GPR149: variants seen among roughly 807,000 people sequenced by gnomAD.
GPR149 encodes the protein G protein-coupled receptor 149.
A neutral mutation model predicts 50.2 loss-of-function variants in GPR149; 50 were observed. The ratio of observed to expected loss-of-function variants is 1.00; its 90% CI spans 0.79 to 1.26. The LOEUF is 1.26. Among genes scored for constraint, GPR149 ranks in the 50% most tolerant of loss-of-function variants. GPR149 has a pLI of 0.00. For missense variants in GPR149, 983 were observed against 895.4 expected (o/e 1.10, Z -1.25); for synonymous variants, 405 against 358.2 (o/e 1.13, Z -1.48).
chr3:154,340,025 C>A (rs1476077656), intron 3 of GPR149, among the ~76,000 whole-genome samples: 1 of 151,934 alleles, frequency 6.6e-6, no homozygotes, highest in Admixed American at 6.6e-5. Flanking sequence ...ATCTCCTGAC[C>A]TTGTGATCCT....
chr3:154,346,273 T>C (rs1288098613), intron 3 of GPR149, among the ~76,000 whole-genome samples: 1 of 152,186 alleles, frequency 6.6e-6, no homozygotes, highest in Non-Finnish European at 1.5e-5. Context: ...ACAAGAACTT[T>C]GTGAGAAAAA....
At chr3:154,423,821 C>G (rs1383892651) in intron 2 of GPR149, among the ~76,000 whole-genome samples, 1 of 151,388 alleles carries the variant, frequency 6.6e-6, no homozygotes, top group African/African-American at 2.4e-5. Context: ...TCTATGGGGC[C>G]AGTTAGGTAA....
intron 3 of GPR149, among the ~76,000 whole-genome samples, chr3:154,402,900 T>C (rs1054417672): frequency 6.6e-6 from 1 of 152,214 alleles, no homozygotes; most frequent in African/African-American, 2.4e-5. Context: ...AGAAATGCAT[T>C]TGAAAATTTT....
At chr3:154,424,107 C>T (rs1297277250) in intron 2 of GPR149, among the ~76,000 whole-genome samples, 2 of 151,736 alleles carry the variant, frequency 1.3e-5, no homozygotes, top group Non-Finnish European at 3.0e-5. Flanking sequence ...TCAGACAAAC[C>T]ACGTTCATAG....
At chr3:154,374,819 A>G (rs897557989) in intron 3 of GPR149, among the ~76,000 whole-genome samples, 5 of 152,204 alleles carry the variant, frequency 3.3e-5, no homozygotes, top group African/African-American at 1.2e-4. Flanking sequence ...TCCTCAGAGA[A>G]ACACTTGAAA....
chr3:154,351,480 G>A (rs1419502170), intron 3 of GPR149, among the ~76,000 whole-genome samples: 3 of 152,058 alleles, frequency 2.0e-5, no homozygotes, highest in Non-Finnish European at 4.4e-5. Context: ...AGGCTAGGAA[G>A]GGGTTATTAG....
chr3:154,428,707 G>C lies in GPR149; in HGVS notation c.909C>G (p.Thr303=). 2 of 1,614,094 alleles carry C rather than the reference G, an allele frequency of 1.2e-6. No individual in the cohort carries two copies. Among genetic ancestry groups the C allele is most frequent in the Non-Finnish European group, 1.7e-6 (2 of 1,180,028 alleles). ...CGAAGCGCTTCTGCGCTACGCTCAC[G>C]GTGAAGCTCCTGGTGCCATAGAGAG... is the stretch of plus-strand genomic sequence containing the variant. ...RGTLYGTRSF[T]VSVAQKRFAL... is the part of the protein sequence containing the mutation. Residue 303 remains threonine (T), a synonymous_variant, in exon 1 of 4, where the codon ACC becomes ACG. Coordinates refer to ENST00000389740, the MANE Select transcript of GPR149 (RefSeq NM_001038705.3).
chr3:154,356,240 C>T (rs965716093), intron 3 of GPR149, among the ~76,000 whole-genome samples: 1 of 152,084 alleles, frequency 6.6e-6, no homozygotes, highest in Admixed American at 6.6e-5. Flanking sequence ...GAAGACATAC[C>T]TGAGACTGGA....
At chr3:154,350,583 G>T (rs1170630141) in intron 3 of GPR149, among the ~76,000 whole-genome samples, 1 of 152,092 alleles carries the variant, frequency 6.6e-6, no homozygotes, top group Non-Finnish European at 1.5e-5. Context: ...TAGACTGGAA[G>T]ACTTGACAGT....
intron 3 of GPR149, among the ~76,000 whole-genome samples, chr3:154,360,669 G>T (rs1714357424): frequency 6.6e-6 from 1 of 152,154 alleles, no homozygotes; most frequent in Non-Finnish European, 1.5e-5. Flanking sequence ...ATATGAGGCA[G>T]ATACTACTCC....
intron 3 of GPR149, among the ~76,000 whole-genome samples, chr3:154,392,155 AAT>A (rs1715186457): frequency 6.6e-6 from 1 of 151,914 alleles, no homozygotes; most frequent in East Asian, 1.9e-4. Flanking sequence ...AGAACAAATT[AAT>A]CTAACAGATC....
At chr3:154,419,128 T>A (rs1015996598) in intron 3 of GPR149, among the ~76,000 whole-genome samples, 10 of 152,096 alleles carry the variant, frequency 6.6e-5, no homozygotes, top group Admixed American at 3.9e-4. Context: ...AGAAGTTTCC[T>A]GAAAGACTTG....
chr3:154,418,420 G>A (rs1712046710), intron 3 of GPR149, among the ~76,000 whole-genome samples: 1 of 110,286 alleles, frequency 9.1e-6, no homozygotes, highest in Admixed American at 9.0e-5. Flanking sequence ...CAACCCAAAT[G>A]CCCAACAATG....
At chr3:154,421,561 A>T in intron 2 of GPR149, 74 bp from the exon 3 acceptor site, 2 of 690,268 alleles carry the variant, frequency 2.9e-6, no homozygotes, top group East Asian at 5.8e-5. Flanking sequence ...TATAGCAAAT[A>T]AAAATAGAAA....
intron 3 of GPR149, among the ~76,000 whole-genome samples, chr3:154,402,344 A>C (rs1711566721): frequency 6.6e-6 from 1 of 151,894 alleles, no homozygotes; most frequent in African/African-American, 2.4e-5. Flanking sequence ...TGAGTCCAGG[A>C]GTTGGAGGCT....
In GPR149 at chr3:154,380,636, C is replaced by CT. The variant is rs1486996651; in HGVS notation, c.1623+40402_1623+40403insA. Among the ~76,000 whole-genome samples the CT allele has an allele frequency of 2.1e-3, 16 of 7,788 alleles. No homozygotes were observed. The East Asian group carries it at 0.3, about 146-fold the overall frequency. The allele number at this position is 7,788 out of a possible 152,430, so 5.1% of individuals were successfully genotyped here. ...AAATTATTTCAAGGTCAAATTTTGT[C>CT]CTTGAAATCAATTAAATTCAAACTG... On this transcript the variant is annotated intron_variant, in intron 3 of 3. Transcript: ENST00000389740.
At chr3:154,342,474 T>C (rs775841877) in intron 3 of GPR149, among the ~76,000 whole-genome samples, 1 of 152,186 alleles carries the variant, frequency 6.6e-6, no homozygotes, top group African/African-American at 2.4e-5. Flanking sequence ...GTACATGCGA[T>C]CTCAGATCAC....
rs10593410 is a variant in GPR149 at position 154,430,139 on chromosome 3, C to CAG, written c.-526_-525dup. 4.8e-4 allele frequency among the ~76,000 whole-genome samples: 71 copies of CAG among 147,410 alleles called. 2 individuals are homozygous for CAG. The highest frequency in any genetic ancestry group is 4.5e-3 in the South Asian group (21 of 4,626). ...TTGAAGGTGGAGAGAGAGAGAGAGA[C>CAG]AGAGAGAGAGAGAGAGAGGGCGAGC... On this transcript the variant is annotated 5_prime_UTR_variant, in exon 1 of 4. Transcript: ENST00000389740.
intron 3 of GPR149, among the ~76,000 whole-genome samples, chr3:154,345,339 AT>A (rs1713902228): frequency 1.3e-5 from 2 of 152,222 alleles, no homozygotes; most frequent in South Asian, 4.1e-4. Flanking sequence ...GATTGTTTTT[AT>A]GAAAATAAAA....
Sources: allele counts gnomAD v4.1 joint callset (sites outside exome capture counted in the v4.1 genomes callset), GRCh38; gene constraint gnomAD v4.1.1; transcripts MANE v1.5; gene names NCBI Gene and HGNC (gene_info 2026-07-23, HGNC 2026-07-21).